IFT172: variants seen among roughly 807,000 people sequenced by gnomAD.
IFT172 encodes intraflagellar transport protein 172 homolog.
A neutral mutation model predicts 248.9 loss-of-function variants in IFT172; 164 were observed. The ratio of observed to expected loss-of-function variants is 0.66; its 90% CI spans 0.58 to 0.75. The LOEUF is 0.75. Among genes scored for constraint, IFT172 ranks in the 30% least tolerant of loss-of-function variants. The probability of loss-of-function intolerance (pLI) is 0.00; values close to 1 mark genes in which losing one functional copy is unlikely to be tolerated. For missense variants in IFT172, 1,950 were observed against 2,192.4 expected (o/e 0.89, Z 2.21); for synonymous variants, 729 against 791.6 (o/e 0.92, Z 1.33).
At chr2:27,459,193 G>GAT in intron 25 of IFT172, 185 bp downstream of exon 25, 1 of 720,110 alleles carries the variant, frequency 1.4e-6, no homozygotes, top group Non-Finnish European at 2.2e-6. Context: ...GGTGAAGGGC[G>GAT]ATATCTGTGT....
At chr2:27,479,950 T>G in intron 9 of IFT172, 76 bp downstream of exon 9, 1 of 1,535,268 alleles carries the variant, frequency 6.5e-7, no homozygotes, top group Non-Finnish European at 8.8e-7. Flanking sequence ...CAGGGAACAG[T>G]GCTTTAGGAT....
chr2:27,479,853 C>T (rs1432806186), intron 9 of IFT172, among the ~76,000 whole-genome samples, 173 bp downstream of exon 9: 2 of 152,110 alleles, frequency 1.3e-5, no homozygotes, highest in Non-Finnish European at 2.9e-5. Flanking sequence ...CTTTTGTGAC[C>T]TAGGGTAAAG....
In IFT172 at chr2:27,484,275, C is replaced by A. The variant is rs1331792165; in HGVS notation, c.297-9G>T. On this transcript the variant is annotated splice_polypyrimidine_tract_variant and intron_variant, in intron 3 of 47. Transcript: ENST00000260570. The stretch of plus-strand genomic sequence containing the variant: ...TGACTTTCTTGTCACCCCTGCCAAA[C>A]AAAAGAAGGGGAAACATATTAAAAA... 6.2e-7 allele frequency: 1 copy of A among 1,613,582 alleles called. No individual in the cohort carries two copies. Among genetic ancestry groups the A allele is most frequent in the Non-Finnish European group, 8.5e-7 (1 of 1,179,662 alleles).
At chr2:27,456,683 C>T in intron 29 of IFT172, 30 bp from the exon 30 acceptor site, 2 of 1,604,140 alleles carry the variant, frequency 1.2e-6, no homozygotes, top group Non-Finnish European at 8.5e-7. Context: ...AATAATCCTG[C>T]AATACAGAGC....
rs367679647 is a variant in IFT172 at position 27,444,989 on chromosome 2, C to T, written c.5160+25G>A. The T allele has an allele frequency of 2.5e-6, 4 of 1,608,582 alleles. No homozygotes were observed. The African/African-American group carries it at 5.4e-5, about 22-fold the overall frequency. Reference sequence around the variant, plus strand: ...TTTTTAGTGCTGCCCTCTCTGCCTTCATTCTCCAAGTCCTCCTCTCTAACC... The same window carrying T: ...TTTTTAGTGCTGCCCTCTCTGCCTTTATTCTCCAAGTCCTCCTCTCTAACC... On this transcript the variant is annotated intron_variant, in intron 47 of 47. Coordinates refer to ENST00000260570, the MANE Select transcript of IFT172 (RefSeq NM_015662.3).
At chr2:27,465,171 C>T in intron 18 of IFT172, 1 of 502,128 alleles carries the variant, frequency 2.0e-6, no homozygotes, top group Non-Finnish European at 3.6e-6. Flanking sequence ...CTGCCCACCT[C>T]AGCCTCCCAA....
chr2:27,454,383 T>C lies in IFT172; in HGVS notation c.3501A>G (p.Arg1167=). 6.2e-7 allele frequency: 1 copy of C among 1,614,198 alleles called. No individual in the cohort carries two copies. The highest frequency in any genetic ancestry group is 1.3e-5 in the African/African-American group (1 of 75,058). Residue 1167 remains arginine (R), a synonymous_variant, in exon 32 of 48, where the codon AGA becomes AGG. Coordinates refer to ENST00000260570, the MANE Select transcript of IFT172 (RefSeq NM_015662.3). The surrounding 1 kb of genome is among the most constrained non-coding windows in gnomAD (Gnocchi z 4.2). ...KFEEAEAEFI[R]AGKPKEAVLM... ...GGACTGCCTCCTTGGGTTTACCAGCTCTGATGAATTCAGCTTCAGCCTCTT... is the reference window on the plus strand; with the variant it reads ...GGACTGCCTCCTTGGGTTTACCAGCCCTGATGAATTCAGCTTCAGCCTCTT...
At chr2:27,485,548 A>G in intron 1 of IFT172, 45 bp from the exon 2 acceptor site, 1 of 1,607,930 alleles carries the variant, frequency 6.2e-7, no homozygotes, top group Non-Finnish European at 8.5e-7. Context: ...GCTGGTCTAG[A>G]ATGCCAAAAG....
chr2:27,465,920 G>A (rs1171931361), intron 16 of IFT172, 38 bp from the exon 17 acceptor site: 8 of 1,612,644 alleles, frequency 5.0e-6, no homozygotes, highest in African/African-American at 4.0e-5. Context: ...CCAATTTCAG[G>A]TTAGTTTCCA....
intron 35 of IFT172, 51 bp from the exon 36 acceptor site, chr2:27,450,147 G>A: frequency 7.4e-7 from 1 of 1,347,346 alleles, no homozygotes; most frequent in Non-Finnish European, 1.1e-6. Context: ...AAATACCGCT[G>A]AGTCCTCAGC....
chr2:27,480,724 C>T (rs566530711), intron 8 of IFT172, among the ~76,000 whole-genome samples: 18 of 152,230 alleles, frequency 1.2e-4, no homozygotes, highest in Non-Finnish European at 2.6e-4. Context: ...TCTGGCTAAA[C>T]AACAGTAGTT....
intron 15 of IFT172, 119 bp from the exon 16 acceptor site, chr2:27,471,214 C>T (rs1328256890): frequency 3.2e-6 from 3 of 925,188 alleles, no homozygotes; most frequent in Non-Finnish European, 4.9e-6. Flanking sequence ...GTTCATGCTG[C>T]ATTTCAAAGC....
chr2:27,445,566 C>A lies in IFT172; in HGVS notation c.4915-117G>T. The A allele has an allele frequency of 7.5e-7, 1 of 1,335,168 alleles. No homozygotes were observed. Among genetic ancestry groups the A allele is most frequent in the Non-Finnish European group, 1.0e-6 (1 of 977,842 alleles). The allele number at this position is 1,335,168 out of a possible 1,614,324, so 82.7% of individuals were successfully genotyped here. A position where few individuals can be genotyped will look rare whatever the true frequency, so the allele number is the denominator to read the frequency against. ...CATCCTGTATACCAGCTTTTAGCCA[C>A]GAATCCTCCTTGGATTGGGGGATGC... On this transcript the variant is annotated intron_variant, in intron 45 of 47. Transcript: ENST00000260570. This position sits in a 1 kb window ranked among gnomAD's most constrained non-coding sequence, Gnocchi z 4.4.
At chr2:27,467,600 G>A (rs1667197688) in intron 16 of IFT172, among the ~76,000 whole-genome samples, 1 of 97,186 alleles carries the variant, frequency 1.0e-5, no homozygotes, top group African/African-American at 4.3e-5. Context: ...GCAACAGAAT[G>A]AGACCCTGTC....
intron 7 of IFT172, among the ~76,000 whole-genome samples, chr2:27,482,466 T>C (rs2148553949): frequency 6.6e-6 from 1 of 151,748 alleles, no homozygotes; most frequent in African/African-American, 2.4e-5. Flanking sequence ...CTAATTTTTT[T>C]GTATTTAGTA....
rs1427363284 is a variant in IFT172 at position 27,446,536 on chromosome 2, CTAGG to C, written c.4660-185_4660-182del. 39 of 554,708 alleles carry C rather than the reference CTAGG, an allele frequency of 7.0e-5. No individual in the cohort carries two copies. In the East Asian group the frequency reaches 1.2e-3, roughly 17 times the overall value. The allele number at this position is 554,708 out of a possible 1,614,324, so 34.4% of individuals were successfully genotyped here. On this transcript the variant is annotated intron_variant, in intron 42 of 47. Coordinates refer to ENST00000260570, the MANE Select transcript of IFT172 (RefSeq NM_015662.3). ...TTTTCTCTGAACAAGACACCTGGGC[CTAGG>C]TTCAATTCTTTCGCCCAGGCTGGAG...
At chr2:27,444,944 C>A (rs1664915329) in intron 47 of IFT172, 70 bp downstream of exon 47, 4 of 1,545,732 alleles carry the variant, frequency 2.6e-6, no homozygotes, top group Admixed American at 3.7e-5. Flanking sequence ...CCACTGCACC[C>A]AGACTTGTTT....
chr2:27,447,422 A>G (rs2148472264), intron 42 of IFT172, 93 bp downstream of exon 42: 12 of 1,516,488 alleles, frequency 7.9e-6, no homozygotes, highest in East Asian at 2.3e-5. Context: ...CAAGAGCCCA[A>G]GCTGAAGAAT....
intron 35 of IFT172, 81 bp downstream of exon 35, chr2:27,453,303 A>G: frequency 6.6e-7 from 1 of 1,523,182 alleles, no homozygotes; most frequent in Non-Finnish European, 9.1e-7. Context: ...AAGAGGAAAG[A>G]GCTGAAGATG....
Sources: gnomAD v4.1 joint callset for allele counts (sites outside exome capture counted in the v4.1 genomes callset) on GRCh38, gnomAD v4.1.1 for gene constraint, Gnocchi (gnomAD v3.1) non-coding constraint, MANE v1.5 for transcripts, NCBI Gene and HGNC (gene_info 2026-07-23, HGNC 2026-07-21) for gene names.